The following NCOR2 variants were observed in gnomAD, a reference collection of about 807,000 sequenced individuals.
NCOR2 encodes the protein CTG repeat protein 26.
A neutral mutation model predicts 262.9 loss-of-function variants in NCOR2; 81 were observed. That is an observed-to-expected ratio of 0.31 (90% CI 0.26 to 0.37). The LOEUF (loss-of-function observed/expected upper bound fraction) is 0.37. NCOR2 is among the 10% of genes least tolerant of loss of function. The probability of loss-of-function intolerance (pLI) is 1.00; values close to 1 mark genes in which losing one functional copy is unlikely to be tolerated. For synonymous variants in NCOR2, 1,659 were observed against 1,559.3 expected (o/e 1.06, Z -1.51); for missense variants, 3,385 against 3,621.4 (o/e 0.93, Z 1.68).
chr12:124,560,122 A>C (rs1472564703), intron 1 of NCOR2, among the ~76,000 whole-genome samples: 1 of 152,222 alleles, frequency 6.6e-6, no homozygotes, highest in Non-Finnish European at 1.5e-5. Flanking sequence ...TCTCTGGGCC[A>C]CAGTTTCCTC....
chr12:124,378,302 T>TCCA lies in NCOR2; in HGVS notation c.2099_2101dup (p.Val700dup). ...GCCCGACGCCTCCATCTCCTCATCCTCCACCACGGGCGGGAATGCAGCCTC... is the reference window on the plus strand; with the variant it reads ...GCCCGACGCCTCCATCTCCTCATCCTCCACCACCACGGGCGGGAATGCAGCCTC... On this transcript the variant is annotated inframe_insertion, in exon 18 of 47. Coordinates refer to ENST00000405201, the Ensembl canonical transcript of NCOR2. This position sits in a 1 kb window ranked among gnomAD's most constrained non-coding sequence, Gnocchi z 4.2. 1 of 1,613,938 alleles carries TCCA rather than the reference T, an allele frequency of 6.2e-7. No homozygotes were observed. Among genetic ancestry groups the TCCA allele is most frequent in the Middle Eastern group, 1.6e-4 (1 of 6,062 alleles).
At chr12:124,520,974 C>G (rs1230596145) in intron 1 of NCOR2, among the ~76,000 whole-genome samples, 1 of 152,212 alleles carries the variant, frequency 6.6e-6, no homozygotes, top group Non-Finnish European at 1.5e-5. Context: ...GCAGGGGGAC[C>G]TTAAGCTGAG....
rs1479549550 is a variant in NCOR2, at chr12:124,372,619, G to A, written c.2219-9C>T. The A allele has an allele frequency of 6.3e-7, 1 of 1,594,400 alleles. No individual in the cohort carries two copies. The highest frequency in any genetic ancestry group is 1.7e-5 in the Admixed American group (1 of 59,438). On this transcript the variant is annotated splice_polypyrimidine_tract_variant and intron_variant, in intron 19 of 46. Coordinates refer to ENST00000405201, the Ensembl canonical transcript of NCOR2. ...GCTGTTGTTGACAGTGGCTGTGCAGGGCGAGAAGGAAGAGGGGATGAGCAG... is the reference window on the plus strand; with the variant it reads ...GCTGTTGTTGACAGTGGCTGTGCAGAGCGAGAAGGAAGAGGGGATGAGCAG...
chr12:124,340,428 A>T lies in NCOR2; in HGVS notation c.5354T>A (p.Leu1785Ter). The T allele has an allele frequency of 6.2e-7, 1 of 1,612,672 alleles. No homozygotes were observed. Among genetic ancestry groups the T allele is most frequent in the Non-Finnish European group, 8.5e-7 (1 of 1,179,878 alleles). ...CGAGGACGTGGTGGTTGGTTTTGTC[A>T]AGTGTGTTGGACCTCCTAGGAAACC... The change falls in exon 36 of 47, where the codon TTG (leucine) becomes TAG (stop). Residue 1785 changes from leucine to a stop codon, truncating the protein, a stop_gained. Coordinates refer to ENST00000405201, the Ensembl canonical transcript of NCOR2. LOFTEE classifies it high-confidence loss of function.
intron 1 of NCOR2, among the ~76,000 whole-genome samples, chr12:124,512,072 C>T (rs373009131): frequency 3.9e-4 from 60 of 152,294 alleles, no homozygotes; most frequent in East Asian, 1.7e-3. Context: ...CCACCACATC[C>T]GGCTAATTTT....
chr12:124,342,135 C>T (rs1273938032), intron 33 of NCOR2, 61 bp from the exon 36 acceptor site: 4 of 1,529,974 alleles, frequency 2.6e-6, no homozygotes, highest in Non-Finnish European at 3.5e-6. Context: ...GGTGTCGCTC[C>T]ACCTGTCTGG....
intron 1 of NCOR2, among the ~76,000 whole-genome samples, chr12:124,565,895 C>T (rs2052221408): frequency 6.6e-6 from 1 of 152,166 alleles, no homozygotes; most frequent in African/African-American, 2.4e-5. Context: ...TGCTGCTTGC[C>T]ATTTCTCGGC....
exon 38 of NCOR2, chr12:124,337,179 A>C: frequency 6.5e-7 from 1 of 1,542,734 alleles, no homozygotes; most frequent in Non-Finnish European, 8.8e-7. Flanking sequence ...GTGGAGGTGG[A>C]CCTGGGGGAG....
chr12:124,487,015 C>G (rs1011245584), intron 1 of NCOR2, among the ~76,000 whole-genome samples: 4 of 152,224 alleles, frequency 2.6e-5, no homozygotes, highest in Admixed American at 1.3e-4. Context: ...CCATCCTACC[C>G]CTGCCAGGCT....
At chr12:124,543,180 G>A (rs1407880873) in intron 1 of NCOR2, among the ~76,000 whole-genome samples, 2 of 152,196 alleles carry the variant, frequency 1.3e-5, no homozygotes, top group African/African-American at 2.4e-5. Context: ...GATCAGTAGG[G>A]AGGTGGGGAT....
chr12:124,467,803 A>C (rs2046547037), intron 4 of NCOR2, among the ~76,000 whole-genome samples: 1 of 37,688 alleles, frequency 2.7e-5, no homozygotes, highest in African/African-American at 1.1e-4. Flanking sequence ...CACCCCCATC[A>C]TCCTCATCCT....
At chr12:124,501,983 G>A (rs1164980731) in intron 1 of NCOR2, among the ~76,000 whole-genome samples, 2 of 152,218 alleles carry the variant, frequency 1.3e-5, no homozygotes, top group East Asian at 3.9e-4. Flanking sequence ...GCTGCGGAGC[G>A]CCAGCTCCAC....
At chr12:124,388,869 G>T (rs1593328528) in intron 16 of NCOR2, 2 of 125,402 alleles carry the variant, frequency 1.6e-5, no homozygotes, top group African/African-American at 2.7e-4. Flanking sequence ...CCACGGTGAG[G>T]GAGGGAGGGA....
At chr12:124,372,524 G>T in exon 20 of NCOR2, 1 of 1,595,484 alleles carries the variant, frequency 6.3e-7, no homozygotes, top group Non-Finnish European at 8.5e-7. Context: ...GTGGCTGGGG[G>T]CTTGGGCCCA....
intron 13 of NCOR2, among the ~76,000 whole-genome samples, chr12:124,416,769 C>T (rs1045767691): frequency 1.2e-4 from 18 of 146,734 alleles, no homozygotes; most frequent in Non-Finnish European, 1.9e-4. Flanking sequence ...AGGGAGTCCC[C>T]GCAGCACAGA....
intron 13 of NCOR2, among the ~76,000 whole-genome samples, chr12:124,415,117 G>A (rs539754052): frequency 3.9e-5 from 6 of 152,300 alleles, no homozygotes; most frequent in Admixed American, 6.5e-5. Flanking sequence ...CTGAGGCAGC[G>A]GGGTAGTGGG....
chr12:124,356,508 G>T, intron 23 of NCOR2, 134 bp downstream of exon 25: 1 of 807,830 alleles, frequency 1.2e-6, no homozygotes. Context: ...TCCCTCCACT[G>T]ACCAGGCTGT....
upstream of NCOR2, chr12:124,537,883 C>T (rs914564336): frequency 5.9e-5 from 9 of 152,334 alleles, no homozygotes; most frequent in Admixed American, 3.3e-4. Flanking sequence ...ATGATGCCCC[C>T]AGGCTTGGCA....
intron 1 of NCOR2, chr12:124,562,079 C>A (rs955394161): frequency 3.3e-5 from 5 of 152,210 alleles, no homozygotes; most frequent in African/African-American, 1.2e-4. Flanking sequence ...AGCCCAGGCC[C>A]TGCTCCGAAA....
Sources: gnomAD v4.1 joint callset for allele counts (sites outside exome capture counted in the v4.1 genomes callset) on GRCh38, gnomAD v4.1.1 for gene constraint, Gnocchi (gnomAD v3.1) non-coding constraint, MANE v1.5 for transcripts, NCBI Gene and HGNC (gene_info 2026-07-23, HGNC 2026-07-21) for gene names.